Variants in TTC23 observed in about 807,000 individuals in gnomAD.
TTC23 encodes tetratricopeptide repeat protein 23.
Under a neutral mutation model 55.1 loss-of-function variants are expected in TTC23, and 58 were observed. That is an observed-to-expected ratio of 1.05 (90% CI 0.85 to 1.31). The LOEUF is 1.31. Among genes scored for constraint, TTC23 ranks in the 50% most tolerant of loss-of-function variants. The probability of loss-of-function intolerance (pLI) is 0.00; values close to 1 mark genes in which losing one functional copy is unlikely to be tolerated. For synonymous variants in TTC23, 203 were observed against 199.9 expected, an observed-to-expected ratio of 1.02 and a Z score of -0.13; for missense variants, 516 against 534.4, an observed-to-expected ratio of 0.97 and a Z score of 0.34.
At chr15:99,145,645 C>T (rs2068763335) in intron 12 of TTC23, among the ~76,000 whole-genome samples, 2 of 152,086 alleles carry the variant, frequency 1.3e-5, no homozygotes, top group African/African-American at 4.8e-5. Context: ...GACCACACCC[C>T]TGCATCCTCT....
In TTC23 at chr15:99,150,961, C is replaced by T. The variant is rs187766140; in HGVS notation, c.1143+5187G>A. 3.9e-5 allele frequency among the ~76,000 whole-genome samples: 6 copies of T among 152,338 alleles called. No homozygotes were observed. The East Asian group carries it at 9.6e-4, about 24-fold the overall frequency. ...CTTCCAACCCACCAGCCTGGGAATT[C>T]CTGTTTCTCTTAGCCTATACTGTTT... On this transcript the variant is annotated intron_variant, in intron 12 of 13. Coordinates refer to ENST00000394132, the MANE Select transcript of TTC23 (RefSeq NM_001288615.3).
intron 1 of TTC23, among the ~76,000 whole-genome samples, 167 bp from the exon 2 acceptor site, chr15:99,245,677 C>T (rs898494773): frequency 6.6e-6 from 1 of 151,884 alleles, no homozygotes; most frequent in Non-Finnish European, 1.5e-5. Context: ...GCTGGTACAA[C>T]TGGATAGATA....
intron 3 of TTC23, among the ~76,000 whole-genome samples, chr15:99,241,110 A>G (rs956026380): frequency 1.3e-5 from 2 of 152,124 alleles, no homozygotes; most frequent in African/African-American, 4.8e-5. Flanking sequence ...TGAGGTCGGG[A>G]GTTCGAGGCC....
chr15:99,139,798 TTTTATTAA>T, intron 12 of TTC23: 1 of 1,242,562 alleles, frequency 8.0e-7, no homozygotes, highest in Non-Finnish European at 1.1e-6. Context: ...CATACTCTAC[TTTTATTAA>T]TATATAGGCT....
At chr15:99,197,791 A>G (rs1437746861) in intron 9 of TTC23, among the ~76,000 whole-genome samples, 2 of 152,016 alleles carry the variant, frequency 1.3e-5, no homozygotes, top group East Asian at 3.9e-4. Flanking sequence ...CTGTAATCCC[A>G]GCTACTCGGG....
intron 9 of TTC23, among the ~76,000 whole-genome samples, chr15:99,197,327 C>G (rs1360771197): frequency 6.6e-6 from 1 of 152,136 alleles, no homozygotes; most frequent in South Asian, 2.1e-4. Context: ...TGGTCTTGAT[C>G]TCCTGACCTT....
At chr15:99,148,317 C>G (rs1428745731) in intron 12 of TTC23, among the ~76,000 whole-genome samples, 2 of 126,520 alleles carry the variant, frequency 1.6e-5, no homozygotes, top group Admixed American at 2.0e-4. Flanking sequence ...GCCGAGATCG[C>G]GACACTGCAC....
Position 99,138,529 on chromosome 15 carries a change from G to T in TTC23, c.1227-402C>A, listed in dbSNP as rs1555488356. Reference sequence around the variant, plus strand: ...AAGTTTTGCCATGTTGGCCAGTCTGGTCTCAAACTCCTGGCCTCAAGTGAT... The same window carrying T: ...AAGTTTTGCCATGTTGGCCAGTCTGTTCTCAAACTCCTGGCCTCAAGTGAT... On this transcript the variant is annotated intron_variant, in intron 13 of 13. Coordinates refer to ENST00000394132, the MANE Select transcript of TTC23 (RefSeq NM_001288615.3). Among the ~76,000 whole-genome samples, 5 of 152,186 alleles carry T rather than the reference G, an allele frequency of 3.3e-5. No individual in the cohort carries two copies. In the South Asian group the frequency reaches 6.2e-4, roughly 19 times the overall value.
intron 12 of TTC23, chr15:99,148,720 C>T (rs555453048): frequency 3.3e-5 from 5 of 152,298 alleles, no homozygotes; most frequent in African/African-American, 4.8e-5. Context: ...CTGAGGAAAA[C>T]GTTGGTGACG....
intron 2 of TTC23, among the ~76,000 whole-genome samples, chr15:99,244,276 A>G (rs1163585493): frequency 1.3e-5 from 2 of 152,216 alleles, no homozygotes; most frequent in African/African-American, 2.4e-5. Context: ...AGTTGTGGAT[A>G]TTACAGTCAG....
intron 10 of TTC23, among the ~76,000 whole-genome samples, chr15:99,169,198 C>A (rs1378132636): frequency 6.6e-6 from 1 of 152,164 alleles, no homozygotes; most frequent in Non-Finnish European, 1.5e-5. Flanking sequence ...AAGGCAAGGC[C>A]AAACTCAGGC....
At chr15:99,200,635 G>A (rs1477443371) in intron 8 of TTC23, among the ~76,000 whole-genome samples, 3 of 152,062 alleles carry the variant, frequency 2.0e-5, no homozygotes, top group African/African-American at 7.3e-5. Flanking sequence ...TATAGTTTGG[G>A]CATAAACTTT....
rs528508117 is a variant in TTC23 at position 99,238,187 on chromosome 15, T to G, written c.-113-3107A>C. Among the ~76,000 whole-genome samples the G allele has an allele frequency of 6.4e-4, 98 of 152,166 alleles. 1 individual carries two copies. The highest frequency in any genetic ancestry group is 2.2e-3 in the African/African-American group (92 of 41,488). Reference sequence around the variant, plus strand: ...TTTCACCATGTTGGCCAGGTTGGTCTTGAACTCCTGACCTCAAGTGATCAG... The same window carrying G: ...TTTCACCATGTTGGCCAGGTTGGTCGTGAACTCCTGACCTCAAGTGATCAG... On this transcript the variant is annotated intron_variant, in intron 3 of 13. Coordinates refer to ENST00000394132, the MANE Select transcript of TTC23 (RefSeq NM_001288615.3).
chr15:99,203,242 G>A (rs952515879), intron 8 of TTC23, among the ~76,000 whole-genome samples: 5 of 151,840 alleles, frequency 3.3e-5, no homozygotes, highest in Admixed American at 6.6e-5. Flanking sequence ...AAGTAAGAAC[G>A]CATAAATAAA....
intron 10 of TTC23, among the ~76,000 whole-genome samples, chr15:99,172,226 C>G (rs1174685775): frequency 4.6e-5 from 7 of 151,968 alleles, no homozygotes; most frequent in Non-Finnish European, 7.4e-5. Context: ...TTATGCTGGC[C>G]AGGCTGGTCT....
intron 4 of TTC23, 44 bp downstream of exon 4, chr15:99,234,944 A>G (rs1488682860): frequency 4.6e-5 from 7 of 152,092 alleles, no homozygotes; most frequent in African/African-American, 7.2e-5. Context: ...AGGGTTTAAA[A>G]AAAAAAAAAC....
chr15:99,231,050 G>T (rs1229048678), intron 4 of TTC23, among the ~76,000 whole-genome samples: 2 of 152,184 alleles, frequency 1.3e-5, no homozygotes, highest in Admixed American at 1.3e-4. Flanking sequence ...ATTCCTACTG[G>T]GTAGTGATAC....
intron 4 of TTC23, among the ~76,000 whole-genome samples, chr15:99,232,930 A>T (rs2079042936): frequency 6.6e-6 from 1 of 152,228 alleles, no homozygotes; most frequent in South Asian, 2.1e-4. Flanking sequence ...TGTGGTATGT[A>T]TACACAATGG....
chr15:99,197,777 G>A (rs1202475510), intron 9 of TTC23, among the ~76,000 whole-genome samples: 7 of 152,028 alleles, frequency 4.6e-5, no homozygotes, highest in East Asian at 2.0e-4. Flanking sequence ...ATGGTGGCGG[G>A]CGCCTGTAAT....
Sources: allele counts gnomAD v4.1 joint callset (sites outside exome capture counted in the v4.1 genomes callset), GRCh38; gene constraint gnomAD v4.1.1; transcripts MANE v1.5; gene names NCBI Gene and HGNC (gene_info 2026-07-23, HGNC 2026-07-21).